Variants in UGT1A6 observed in about 807,000 individuals in gnomAD.
UGT1A6 encodes UDP glucuronosyltransferase family 1 member A6.
Under a neutral mutation model 44.4 loss-of-function variants are expected in UGT1A6, and 32 were observed. The observed-to-expected ratio is 0.72, with a 90% CI of 0.54 to 0.97. The LOEUF is 0.97. UGT1A6 is among the 50% of genes least tolerant of loss of function. UGT1A6 has a pLI of 0.00. For missense variants in UGT1A6, 685 were observed against 661.9 expected, an observed-to-expected ratio of 1.03 and a Z score of -0.38; for synonymous variants, 238 against 248.5, an observed-to-expected ratio of 0.96 and a Z score of 0.40.
intron 1 of UGT1A6, among the ~76,000 whole-genome samples, chr2:233,716,574 A>G (rs2076512452): frequency 6.6e-6 from 1 of 152,190 alleles, no homozygotes; most frequent in Admixed American, 6.5e-5. Context: ...TTTAAAAACA[A>G]TACTTTCAAA....
At chr2:233,710,053 C>T (rs1449655708) in intron 1 of UGT1A6, among the ~76,000 whole-genome samples, 1 of 152,168 alleles carries the variant, frequency 6.6e-6, no homozygotes, top group Non-Finnish European at 1.5e-5. Context: ...CTCTTTGGCT[C>T]GGCATAATGT....
intron 1 of UGT1A6, chr2:233,752,367 A>G (rs1694954220): frequency 1.3e-5 from 2 of 152,220 alleles, no homozygotes; most frequent in Admixed American, 1.3e-4. Context: ...AGGGGTCTCA[A>G]GAGGGTCATC....
chr2:233,745,596 G>T (rs1207233970), intron 1 of UGT1A6, among the ~76,000 whole-genome samples: 1 of 151,570 alleles, frequency 6.6e-6, no homozygotes, highest in Non-Finnish European at 1.5e-5. Context: ...ACCCGGACTT[G>T]GCACTTGGTA....
At chr2:233,715,899 C>T (rs1227216690) in intron 1 of UGT1A6, among the ~76,000 whole-genome samples, 1 of 152,172 alleles carries the variant, frequency 6.6e-6, no homozygotes, top group African/African-American at 2.4e-5. Context: ...TTGGGAGGCT[C>T]AGGTGGGAGG....
chr2:233,698,420 T>G (rs2075440349), intron 1 of UGT1A6, among the ~76,000 whole-genome samples: 1 of 152,188 alleles, frequency 6.6e-6, no homozygotes, highest in African/African-American at 2.4e-5. Flanking sequence ...CGCAATAAAT[T>G]ATTTAAGAAA....
chr2:233,744,522 T>A (rs1292521723), intron 1 of UGT1A6, among the ~76,000 whole-genome samples: 2 of 151,918 alleles, frequency 1.3e-5, no homozygotes, highest in Non-Finnish European at 2.9e-5. Context: ...CAATAGCAAA[T>A]CTTATTTTTA....
chr2:233,717,929 C>T, intron 1 of UGT1A6: 1 of 454,714 alleles, frequency 2.2e-6, no homozygotes, highest in Non-Finnish European at 4.4e-6. Context: ...ATGGATACTT[C>T]AGTCTCTATG....
At chr2:233,696,056 A>T (rs1035771906) in intron 1 of UGT1A6, among the ~76,000 whole-genome samples, 12 of 152,254 alleles carry the variant, frequency 7.9e-5, no homozygotes, top group Non-Finnish European at 1.6e-4. Flanking sequence ...AATGTAAATT[A>T]GTACAGCCAC....
chr2:233,760,446 G>A lies in UGT1A6; in HGVS notation c.862-6588G>A, dbSNP rs149071335. 6.1e-5 allele frequency: 98 copies of A among 1,614,210 alleles called. No homozygotes were observed. The African/African-American group carries it at 1.2e-3, about 20-fold the overall frequency. On this transcript the variant is annotated intron_variant, in intron 1 of 4. Coordinates refer to ENST00000305139, the MANE Select transcript of UGT1A6 (RefSeq NM_001072.4). ...GGGCCATCCAGCAGCTGCAGCAGAGGGGACATGAAATAGTTGTCCTAGCAC... is the reference window on the plus strand; with the variant it reads ...GGGCCATCCAGCAGCTGCAGCAGAGAGGACATGAAATAGTTGTCCTAGCAC...
chr2:233,719,025 A>G, intron 1 of UGT1A6: 1 of 1,614,266 alleles, frequency 6.2e-7, no homozygotes, highest in Admixed American at 1.7e-5. Flanking sequence ...GAATATGCAC[A>G]TCAAAGAAGA....
chr2:233,721,912 C>T (rs2125685075), intron 1 of UGT1A6: 6 of 427,588 alleles, frequency 1.4e-5, no homozygotes, highest in Middle Eastern at 5.8e-4. Context: ...GTGCACACTG[C>T]TTCCATAAAG....
chr2:233,693,387 G>A lies in UGT1A6; in HGVS notation c.383G>A (p.Ser128Asn). ...GGCCTGTACTTCATCAACTGCCAGA[G>A]CCTCCTGCAGGACAGGGACACCCTG... The part of the protein sequence containing the change: ...VIGLYFINCQ[S>N]LLQDRDTLNF... The change falls in exon 1 of 5, where the codon AGC (serine) becomes AAC (asparagine). Residue 128 changes from serine to asparagine, a missense_variant. Coordinates refer to ENST00000305139, the MANE Select transcript of UGT1A6 (RefSeq NM_001072.4). 6.2e-7 allele frequency: 1 copy of A among 1,614,130 alleles called. No homozygotes were observed. Among genetic ancestry groups the A allele is most frequent in the Non-Finnish European group, 8.5e-7 (1 of 1,180,042 alleles).
At chr2:233,743,105 G>C (rs1692204465) in intron 1 of UGT1A6, 2 of 354,440 alleles carry the variant, frequency 5.6e-6, no homozygotes, top group East Asian at 7.4e-5. Context: ...GGGTACAGCT[G>C]TTCTGAAAGT....
intron 1 of UGT1A6, among the ~76,000 whole-genome samples, chr2:233,710,298 G>T (rs546531335): frequency 5.9e-5 from 9 of 152,282 alleles, no homozygotes; most frequent in African/African-American, 2.2e-4. Context: ...GGATTGTTGG[G>T]TTGCATGGTA....
chr2:233,772,820 C>T lies in UGT1A6; in HGVS notation c.*261C>T. The T allele has an allele frequency of 1.0e-6, 1 of 980,900 alleles. No individual in the cohort carries two copies. The highest frequency in any genetic ancestry group is 3.1e-5 in the Admixed American group (1 of 31,764). 60.8% of individuals were successfully genotyped at this position (980,900 alleles called of 1,614,324 possible). A position where few individuals can be genotyped will look rare whatever the true frequency, so the allele number is the denominator to read the frequency against. On this transcript the variant is annotated 3_prime_UTR_variant, in exon 5 of 5. Coordinates refer to ENST00000305139, the MANE Select transcript of UGT1A6 (RefSeq NM_001072.4). ...TGCCATTTTTCAGAGGACGTGCAGA[C>T]AGGCTGGCATTCTAGATTACTTTTC...
intron 1 of UGT1A6, among the ~76,000 whole-genome samples, chr2:233,745,089 C>T (rs542765504): frequency 6.6e-6 from 1 of 151,622 alleles, no homozygotes; most frequent in African/African-American, 2.4e-5. Context: ...ATTGCTCTTC[C>T]CCCCAAATAT....
intron 1 of UGT1A6, among the ~76,000 whole-genome samples, chr2:233,712,293 G>A (rs1484888784): frequency 6.6e-6 from 1 of 152,208 alleles, no homozygotes; most frequent in African/African-American, 2.4e-5. Context: ...TTCTTCCATG[G>A]TGTAGATGGA....
At chr2:233,716,780 C>T (rs1189909178) in intron 1 of UGT1A6, among the ~76,000 whole-genome samples, 2 of 152,264 alleles carry the variant, frequency 1.3e-5, no homozygotes, top group Non-Finnish European at 2.9e-5. Context: ...GTCAGGCTTT[C>T]GGGATGCCTT....
chr2:233,725,819 A>G (rs2077477278), intron 1 of UGT1A6, among the ~76,000 whole-genome samples: 1 of 152,214 alleles, frequency 6.6e-6, no homozygotes, highest in South Asian at 2.1e-4. Context: ...TTTATTGGAT[A>G]CCAGTATTGC....
Sources: gnomAD v4.1 joint callset for allele counts (sites outside exome capture counted in the v4.1 genomes callset) on GRCh38, gnomAD v4.1.1 for gene constraint, MANE v1.5 for transcripts, NCBI Gene and HGNC (gene_info 2026-07-23, HGNC 2026-07-21) for gene names.